Variants in LTBP1 observed in about 807,000 individuals in gnomAD.
The protein encoded by LTBP1 is latent transforming growth factor beta binding protein 1, also known as latent-transforming growth factor beta-binding protein 1.
In LTBP1, 129 loss-of-function variants were observed where a neutral mutation model predicts 207.6. The ratio of observed to expected loss-of-function variants is 0.62; its 90% CI spans 0.54 to 0.72. LTBP1 has a LOEUF of 0.72. Ranked by LOEUF, LTBP1 falls within the 30% of genes least tolerant of loss-of-function variation. The pLI is 0.00. For synonymous variants in LTBP1, 963 were observed against 833.7 expected, an observed-to-expected ratio of 1.16 and a Z score of -2.67; for missense variants, 2,281 against 2,217.2, an observed-to-expected ratio of 1.03 and a Z score of -0.58.
intron 4 of LTBP1, among the ~76,000 whole-genome samples, chr2:33,121,074 C>T (rs1197642799): frequency 6.6e-6 from 1 of 150,992 alleles, no homozygotes; most frequent in Non-Finnish European, 1.5e-5. Flanking sequence ...CACTTTCTGA[C>T]CACTTAAATA....
intron 3 of LTBP1, among the ~76,000 whole-genome samples, chr2:33,100,555 G>T (rs1375819348): frequency 6.6e-6 from 1 of 151,478 alleles, no homozygotes; most frequent in Non-Finnish European, 1.5e-5. Context: ...TATATGTAAT[G>T]TAAAACTTGC....
At chr2:33,152,487 C>T (rs1485253635) in intron 5 of LTBP1, among the ~76,000 whole-genome samples, 1 of 152,148 alleles carries the variant, frequency 6.6e-6, no homozygotes, top group Non-Finnish European at 1.5e-5. Flanking sequence ...ACTAGTATAG[C>T]CACTATAGAA....
chr2:33,238,844 G>A (rs2092176916), intron 9 of LTBP1, among the ~76,000 whole-genome samples: 1 of 152,210 alleles, frequency 6.6e-6, no homozygotes, highest in African/African-American at 2.4e-5. Flanking sequence ...TGATGAGGTA[G>A]AAGGAAGATG....
intron 19 of LTBP1, among the ~76,000 whole-genome samples, chr2:33,292,719 C>A (rs1260871497): frequency 6.6e-6 from 1 of 152,174 alleles, no homozygotes; most frequent in Non-Finnish European, 1.5e-5. Context: ...TCTGTTAAAA[C>A]TTCTCTGTGA....
intron 3 of LTBP1, among the ~76,000 whole-genome samples, chr2:33,094,794 TA>T (rs1400626305): frequency 2.0e-5 from 3 of 152,168 alleles, no homozygotes; most frequent in Non-Finnish European, 4.4e-5. Context: ...CACATGGTTA[TA>T]AACCCAATGG....
At chr2:33,149,249 A>C (rs1438332919) in intron 5 of LTBP1, among the ~76,000 whole-genome samples, 1 of 150,062 alleles carries the variant, frequency 6.7e-6, no homozygotes, top group African/African-American at 2.4e-5. Flanking sequence ...AAAAAAAAAA[A>C]AAAAAAGAGA....
At chr2:33,070,367 C>G (rs374231667) in intron 3 of LTBP1, among the ~76,000 whole-genome samples, 1 of 152,174 alleles carries the variant, frequency 6.6e-6, no homozygotes, top group Non-Finnish European at 1.5e-5. Flanking sequence ...GCGGCATGCC[C>G]GTCTGGGATG....
Position 33,309,488 on chromosome 2 carries a change from A to G in LTBP1, c.3536A>G (p.Asn1179Ser), listed in dbSNP as rs752954698. ...GTTTGCCAGAGAGGAGACTGCATTA[A>G]TACTGCAGGGTCCTATGATTGTACT... Reference protein sequence around the residue: ...KSVCQRGDCINTAGSYDCTCP... With the variant: ...KSVCQRGDCISTAGSYDCTCP... The change falls in exon 23 of 34, where the codon AAT (asparagine) becomes AGT (serine). Residue 1179 changes from asparagine (N) to serine (S), a missense_variant. Physicochemically the swap from Asn to Ser is conservative, Grantham distance 46 (BLOSUM62 1). Around this residue, in one of 3 missense-constraint regions of LTBP1, gnomAD observed 1,671 missense variants for 1,634.8 expected, o/e 1.02. Transcript: ENST00000404816. 1.9e-6 allele frequency: 3 copies of G among 1,608,788 alleles called. No homozygotes were observed. In the Admixed American group the frequency reaches 5.0e-5, roughly 27 times the overall value.
At chr2:33,174,004 C>A (rs965196346) in intron 5 of LTBP1, among the ~76,000 whole-genome samples, 1 of 137,572 alleles carries the variant, frequency 7.3e-6, no homozygotes, top group South Asian at 2.3e-4. Flanking sequence ...TGGGACGTAT[C>A]TCAAAATAAT....
chr2:33,148,490 T>C (rs1445280925), intron 5 of LTBP1, among the ~76,000 whole-genome samples: 1 of 152,228 alleles, frequency 6.6e-6, no homozygotes, highest in Non-Finnish European at 1.5e-5. Context: ...AGAGTGAAGA[T>C]GAATTCATTC....
At chr2:33,035,307 T>C (rs1483839342) in intron 3 of LTBP1, among the ~76,000 whole-genome samples, 2 of 152,242 alleles carry the variant, frequency 1.3e-5, no homozygotes, top group Admixed American at 1.3e-4. Flanking sequence ...ACTGGCTATA[T>C]ACCTTGATAT....
chr2:33,344,573 A>G (rs2094676255), intron 25 of LTBP1, among the ~76,000 whole-genome samples: 1 of 152,308 alleles, frequency 6.6e-6, no homozygotes, highest in South Asian at 2.1e-4. Flanking sequence ...ACTGAGGTTC[A>G]GTGTCATCTT....
At chr2:32,971,254 T>A (rs760673879) in intron 2 of LTBP1, among the ~76,000 whole-genome samples, 12 of 152,186 alleles carry the variant, frequency 7.9e-5, no homozygotes, top group Middle Eastern at 3.2e-3. Context: ...AGAGTTTGAC[T>A]TCCCCTCTTC....
At chr2:33,189,154 C>T (rs1455863174) in intron 7 of LTBP1, among the ~76,000 whole-genome samples, 1 of 151,734 alleles carries the variant, frequency 6.6e-6, no homozygotes, top group East Asian at 1.9e-4. Flanking sequence ...CTTGCCAGTC[C>T]CTGATGTACA....
In LTBP1 at chr2:32,994,585, G is replaced by C. The variant is rs193147494; in HGVS notation, c.566-26324G>C. Among the ~76,000 whole-genome samples the C allele has an allele frequency of 7.7e-4, 117 of 151,910 alleles. 1 individual carries two copies. Among genetic ancestry groups the C allele is most frequent in the African/African-American group, 2.7e-3 (113 of 41,426 alleles). On this transcript the variant is annotated intron_variant, in intron 2 of 33. Transcript: ENST00000404816. Reference sequence around the variant, plus strand: ...AGGTTCAAGCGATTCTCCTGCCTCAGCCTCCCAAGTAGCTGGGATTACAGG... The same window carrying C: ...AGGTTCAAGCGATTCTCCTGCCTCACCCTCCCAAGTAGCTGGGATTACAGG...
chr2:33,140,032 T>G (rs562274349), intron 5 of LTBP1, among the ~76,000 whole-genome samples: 2 of 152,350 alleles, frequency 1.3e-5, no homozygotes, highest in South Asian at 4.2e-4. Flanking sequence ...AGGAAACTCA[T>G]GTTTTAAGAG....
At chr2:33,102,898 G>A (rs1211885531) in intron 3 of LTBP1, among the ~76,000 whole-genome samples, 2 of 151,614 alleles carry the variant, frequency 1.3e-5, no homozygotes, top group Admixed American at 1.3e-4. Context: ...TGCACTGTCT[G>A]TATGCTGTAT....
intron 2 of LTBP1, 69 bp downstream of exon 2, chr2:32,949,014 T>C (rs954987907): frequency 1.4e-6 from 2 of 1,467,624 alleles, no homozygotes; most frequent in Admixed American, 3.3e-5. Flanking sequence ...CATGGGGGCA[T>C]CTCACAAGGG....
chr2:33,078,338 G>T (rs2078195005), intron 3 of LTBP1, among the ~76,000 whole-genome samples: 1 of 152,164 alleles, frequency 6.6e-6, no homozygotes, highest in African/African-American at 2.4e-5. Flanking sequence ...AGTGAAGCAG[G>T]TATCCAGTTA....
Sources: allele counts gnomAD v4.1 joint callset (sites outside exome capture counted in the v4.1 genomes callset), GRCh38; gene constraint gnomAD v4.1.1; regional missense constraint gnomAD v4.1.1; transcripts MANE v1.5; gene names NCBI Gene and HGNC (gene_info 2026-07-23, HGNC 2026-07-21).